Variants in CCDC73 observed in about 807,000 individuals in gnomAD.
The protein encoded by CCDC73 is coiled-coil domain-containing protein 73.
A neutral mutation model predicts 116.5 loss-of-function variants in CCDC73; 95 were observed. The observed-to-expected ratio is 0.82, with a 90% confidence interval of 0.69 to 0.97. The LOEUF (loss-of-function observed/expected upper bound fraction) is 0.97, where lower values mean the gene tolerates loss of function less well. Ranked by LOEUF, CCDC73 falls within the 50% of genes least tolerant of loss-of-function variation. CCDC73 has a pLI of 0.00. For synonymous variants in CCDC73, 398 were observed against 401.3 expected, an observed-to-expected ratio of 0.99 and a Z score of 0.10; for missense variants, 1,066 against 1,206.8, an observed-to-expected ratio of 0.88 and a Z score of 1.73.
At chr11:32,789,223 T>C (rs1270645266) in intron 1 of CCDC73, among the ~76,000 whole-genome samples, 1 of 152,172 alleles carries the variant, frequency 6.6e-6, no homozygotes, top group Non-Finnish European at 1.5e-5. Context: ...AATACTCCTC[T>C]CATTCTTAGC....
chr11:32,777,151 T>TGCGA, intron 1 of CCDC73, among the ~76,000 whole-genome samples: 1 of 143,370 alleles, frequency 7.0e-6, no homozygotes. Context: ...CAGGCTGGAG[T>TGCGA]GTAGTGGTGC....
chr11:32,809,254 C>T, the CCDC73 span, among the ~76,000 whole-genome samples: 4,238 of 152,218 alleles, frequency 0.028, 81 homozygotes, highest in South Asian at 0.04. Context: ...TCAGCTCTGG[C>T]TAACATAAGC....
intron 6 of CCDC73, among the ~76,000 whole-genome samples, chr11:32,696,368 A>G (rs1385235856): frequency 1.3e-5 from 2 of 152,176 alleles, no homozygotes; most frequent in Non-Finnish European, 2.9e-5. Flanking sequence ...TGCTACTTGA[A>G]TAACTATTTT....
In CCDC73 at chr11:32,698,010, A is replaced by ATTTTTTT. The variant is rs1849771437; in HGVS notation, c.390+1240_390+1241insAAAAAAA. On this transcript the variant is annotated intron_variant, in intron 6 of 17. Transcript: ENST00000335185. ...TCTGTTGTTTCTTTGTCTAACACTG[A>ATTTTTTT]ATTTTTTTTTTTTTTTTTTTTTTTT... Among the ~76,000 whole-genome samples the ATTTTTTT allele has an allele frequency of 3.4e-5, 4 of 117,758 alleles. 2 individuals are homozygous for ATTTTTTT. The highest frequency in any genetic ancestry group is 6.9e-5 in the Non-Finnish European group (4 of 58,050). The allele number at this position is 117,758 out of a possible 152,430, so 77.3% of individuals were successfully genotyped here. A position where few individuals can be genotyped will look rare whatever the true frequency, so the allele number is the denominator to read the frequency against.
In CCDC73 at chr11:32,656,819, T is replaced by A. The variant is rs1034603692; in HGVS notation, c.646-1847A>T. On this transcript the variant is annotated intron_variant, in intron 9 of 17. Coordinates refer to ENST00000335185, the MANE Select transcript of CCDC73 (RefSeq NM_001008391.4). ...AAGAATCCTGACTACTTAATTTTTT[T>A]AAAGGTCTTAAGAACTGGATAAACA... is the stretch of plus-strand genomic sequence containing the variant. 4.6e-5 allele frequency among the ~76,000 whole-genome samples: 7 copies of A among 151,558 alleles called. No homozygotes were observed. The East Asian group carries it at 1.3e-3, about 29-fold the overall frequency.
chr11:32,609,999 C>A (rs1436984269), intron 17 of CCDC73, among the ~76,000 whole-genome samples: 1 of 150,814 alleles, frequency 6.6e-6, no homozygotes, highest in Non-Finnish European at 1.5e-5. Flanking sequence ...CCATGTCAGC[C>A]AGGATGGTCT....
intron 14 of CCDC73, among the ~76,000 whole-genome samples, chr11:32,624,627 G>T (rs1271111612): frequency 6.6e-6 from 1 of 152,060 alleles, no homozygotes; most frequent in Non-Finnish European, 1.5e-5. Flanking sequence ...CATTCCTCAA[G>T]GATCTAGAAC....
intron 4 of CCDC73, among the ~76,000 whole-genome samples, chr11:32,702,113 C>T (rs1279158522): frequency 6.7e-6 from 1 of 150,236 alleles, no homozygotes; most frequent in Non-Finnish European, 1.5e-5. Context: ...GAAAGTCTGT[C>T]ATTTGCTTAA....
intron 9 of CCDC73, 79 bp from the exon 10 acceptor site, chr11:32,655,051 G>A (rs1213616965): frequency 2.8e-5 from 15 of 541,274 alleles, no homozygotes; most frequent in Non-Finnish European, 2.5e-6. Context: ...CAGTTTCAAA[G>A]TTCATCCTTA....
chr11:32,709,932 A>T (rs1164480158), intron 3 of CCDC73, among the ~76,000 whole-genome samples: 1 of 152,114 alleles, frequency 6.6e-6, no homozygotes, highest in Non-Finnish European at 1.5e-5. Flanking sequence ...TTAATCTAGC[A>T]GGTTTGTATA....
At chr11:32,730,017 A>T (rs559978441) in intron 2 of CCDC73, among the ~76,000 whole-genome samples, 1 of 151,710 alleles carries the variant, frequency 6.6e-6, no homozygotes, top group African/African-American at 2.4e-5. Context: ...TTTTCCCCCT[A>T]CTCTGCTCAC....
intron 12 of CCDC73, among the ~76,000 whole-genome samples, chr11:32,643,159 A>G (rs999992769): frequency 6.6e-6 from 1 of 152,020 alleles, no homozygotes; most frequent in African/African-American, 2.4e-5. Flanking sequence ...AATTACATCT[A>G]GAATATCAGT....
intron 9 of CCDC73, among the ~76,000 whole-genome samples, chr11:32,659,729 A>G (rs1855905228): frequency 6.6e-6 from 1 of 152,200 alleles, no homozygotes; most frequent in Non-Finnish European, 1.5e-5. Flanking sequence ...CAGGAAATTT[A>G]CTATCCTATA....
the CCDC73 span, among the ~76,000 whole-genome samples, chr11:32,829,454 G>A: frequency 6.6e-6 from 1 of 152,224 alleles, no homozygotes; most frequent in Non-Finnish European, 1.5e-5. Context: ...ACCACCATTG[G>A]AGAACCAATG....
At chr11:32,807,310 C>CT in the CCDC73 span, among the ~76,000 whole-genome samples, 7 of 152,204 alleles carry the variant, frequency 4.6e-5, no homozygotes, top group Admixed American at 4.6e-4. Flanking sequence ...GACCCTCACT[C>CT]TTTCGGCCTG....
At chr11:32,608,985 C>T (rs764012448) in intron 17 of CCDC73, among the ~76,000 whole-genome samples, 18 of 152,084 alleles carry the variant, frequency 1.2e-4, no homozygotes, top group Non-Finnish European at 2.9e-5. Context: ...GCACGGGGAC[C>T]CTGAGCCCCG....
At chr11:32,660,255 A>AC (rs1554963524) in intron 9 of CCDC73, among the ~76,000 whole-genome samples, 1 of 140,906 alleles carries the variant, frequency 7.1e-6, no homozygotes. Flanking sequence ...AAAAAAAAAA[A>AC]CAGGTTGGAT....
chr11:32,609,963 G>A (rs866955065), intron 17 of CCDC73, among the ~76,000 whole-genome samples: 69 of 81,750 alleles, frequency 8.4e-4, no homozygotes, highest in African/African-American at 3.7e-3. Context: ...TTTTTTTTTT[G>A]TATTTTTAGT....
chr11:32,696,509 C>T (rs1031635624), intron 6 of CCDC73, among the ~76,000 whole-genome samples: 2 of 152,164 alleles, frequency 1.3e-5, no homozygotes, highest in African/African-American at 4.8e-5. Flanking sequence ...TCAATGCAGC[C>T]TCAACCTTCT....
Sources: allele counts gnomAD v4.1 joint callset (sites outside exome capture counted in the v4.1 genomes callset), GRCh38; gene constraint gnomAD v4.1.1; transcripts MANE v1.5; gene names NCBI Gene and HGNC (gene_info 2026-07-23, HGNC 2026-07-21).